The following NAV3 variants were observed in gnomAD, a reference collection of about 807,000 sequenced individuals.
NAV3 encodes the protein neuron navigator 3.
A neutral mutation model predicts 244.7 loss-of-function variants in NAV3; 87 were observed. The observed-to-expected ratio is 0.36, with a 90% confidence interval of 0.30 to 0.42. The LOEUF (loss-of-function observed/expected upper bound fraction) is 0.42. Ranked by LOEUF, NAV3 falls within the 20% of genes least tolerant of loss-of-function variation. The pLI is 1.00. For missense variants in NAV3, 2,663 were observed against 2,893.3 expected (o/e 0.92, Z 1.83); for synonymous variants, 1,126 against 1,042.2 (o/e 1.08, Z -1.55).
At chr12:77,718,129 T>C (rs1003047296) in intron 2 of NAV3, among the ~76,000 whole-genome samples, 2 of 152,174 alleles carry the variant, frequency 1.3e-5, no homozygotes, top group African/African-American at 4.8e-5. Context: ...GCTTTTTGTG[T>C]CATAATCCAT....
At chr12:77,867,567 C>T (rs1880260168) in intron 1 of NAV3, among the ~76,000 whole-genome samples, 1 of 151,910 alleles carries the variant, frequency 6.6e-6, no homozygotes, top group Non-Finnish European at 1.5e-5. Context: ...CTACAAGCGC[C>T]CGCCACCACG....
chr12:77,842,274 G>A (rs1875799752), intron 1 of NAV3, among the ~76,000 whole-genome samples: 1 of 152,080 alleles, frequency 6.6e-6, no homozygotes, highest in Non-Finnish European at 1.5e-5. Context: ...AAAGCTCACT[G>A]TGGTCTGTTT....
At chr12:77,852,070 T>C in intron 1 of NAV3, among the ~76,000 whole-genome samples, 1 of 152,236 alleles carries the variant, frequency 6.6e-6, no homozygotes, top group African/African-American at 2.4e-5. Context: ...ATAGCAGAAA[T>C]TGAACAACAG....
At chr12:78,182,125 A>C (rs2139757076) in intron 30 of NAV3, among the ~76,000 whole-genome samples, 1 of 152,226 alleles carries the variant, frequency 6.6e-6, no homozygotes. Context: ...CCAAGTAAAA[A>C]GCAAGAGATT....
At chr12:78,206,295 G>C (rs902268350) in intron 39 of NAV3, among the ~76,000 whole-genome samples, 3 of 152,006 alleles carry the variant, frequency 2.0e-5, no homozygotes, top group Non-Finnish European at 4.4e-5. Context: ...TTCATAGTTA[G>C]GAATCAACAG....
chr12:78,179,770 C>A, intron 29 of NAV3, 88 bp downstream of exon 29: 4 of 1,417,020 alleles, frequency 2.8e-6, no homozygotes, highest in Non-Finnish European at 3.8e-6. Flanking sequence ...AGAATAAATT[C>A]CACTTGGAAA....
intron 11 of NAV3, among the ~76,000 whole-genome samples, chr12:78,053,237 T>TATATATA (rs1410951036): frequency 6.7e-6 from 1 of 150,352 alleles, no homozygotes; most frequent in Non-Finnish European, 1.5e-5. Flanking sequence ...ATATATAATA[T>TATATATA]ATATATGTAT....
rs1593697062 is a variant in NAV3 at position 78,127,301 on chromosome 12, G to A, written c.4280+93G>A. The A allele has an allele frequency of 9.5e-6, 12 of 1,262,220 alleles. No homozygotes were observed. The East Asian group carries it at 2.6e-4, about 27-fold the overall frequency. The allele number at this position is 1,262,220 out of a possible 1,614,324, so 78.2% of individuals were successfully genotyped here. A position where few individuals can be genotyped will look rare whatever the true frequency, so the allele number is the denominator to read the frequency against. On this transcript the variant is annotated intron_variant, in intron 17 of 39. Coordinates refer to ENST00000397909, the MANE Select transcript of NAV3 (RefSeq NM_001024383.2). ...TCCTTCTTTGTTTGTTTGCAATGTAGCACATGACATTGAGGACGAAATCAC... is the reference window on the plus strand; with the variant it reads ...TCCTTCTTTGTTTGTTTGCAATGTAACACATGACATTGAGGACGAAATCAC...
intron 7 of NAV3, among the ~76,000 whole-genome samples, chr12:78,002,677 T>A (rs1305765670): frequency 1.3e-5 from 2 of 152,124 alleles, no homozygotes; most frequent in African/African-American, 4.8e-5. Context: ...TGTGCTTTAG[T>A]TATTATTTTA....
chr12:78,162,347 A>T (rs1440575698), intron 23 of NAV3, among the ~76,000 whole-genome samples: 1 of 152,038 alleles, frequency 6.6e-6, no homozygotes, highest in African/African-American at 2.4e-5. Context: ...TTTATATTGA[A>T]TTTGTGCTCT....
intron 1 of NAV3, among the ~76,000 whole-genome samples, chr12:77,857,401 G>T (rs867017283): frequency 7.3e-5 from 11 of 151,642 alleles, no homozygotes; most frequent in African/African-American, 2.4e-5. Context: ...TTGGTGTTTA[G>T]TGTTAACGGT....
At position 78,102,018 on chromosome 12, in the gene NAV3, G is replaced by T. The variant is rs951465019; in HGVS notation, c.2637-14754G>T. Among the ~76,000 whole-genome samples the T allele has an allele frequency of 2.6e-5, 4 of 152,102 alleles. No individual in the cohort carries two copies. The East Asian group carries it at 7.7e-4, about 29-fold the overall frequency. On this transcript the variant is annotated intron_variant, in intron 12 of 39. Coordinates refer to ENST00000397909, the MANE Select transcript of NAV3 (RefSeq NM_001024383.2). ...AATGTGATAGGATCTTTTAAAAGTGGTGCCTTGATTTTGTTAAGTGTTACC... is the reference window on the plus strand; with the variant it reads ...AATGTGATAGGATCTTTTAAAAGTGTTGCCTTGATTTTGTTAAGTGTTACC...
chr12:77,666,988 T>G (rs1306770780), intron 2 of NAV3, among the ~76,000 whole-genome samples: 1 of 152,254 alleles, frequency 6.6e-6, no homozygotes, highest in Non-Finnish European at 1.5e-5. Flanking sequence ...ATGGAGTGTG[T>G]GTATGTGTAT....
At chr12:77,940,288 A>C in intron 1 of NAV3, 31 bp from the exon 2 acceptor site, 1 of 1,492,498 alleles carries the variant, frequency 6.7e-7, no homozygotes, top group Non-Finnish European at 9.3e-7. Context: ...CCCTCACCCC[A>C]TCTCACTTTT....
At chr12:77,857,812 G>A (rs998073179) in intron 1 of NAV3, among the ~76,000 whole-genome samples, 13 of 151,868 alleles carry the variant, frequency 8.6e-5, no homozygotes, top group African/African-American at 3.1e-4. Flanking sequence ...TAAAATGGGT[G>A]AAAACTGAAC....
In NAV3 at chr12:77,951,626, T is replaced by C. The variant is rs556887757; in HGVS notation, c.414+10493T>C. On this transcript the variant is annotated intron_variant, in intron 3 of 39. Coordinates refer to ENST00000397909, the MANE Select transcript of NAV3 (RefSeq NM_001024383.2). ...TATAAAGACACATGCACACGTATGTTCATTGCGGCACTATTCACAATAGCA... is the reference window on the plus strand; with the variant it reads ...TATAAAGACACATGCACACGTATGTCCATTGCGGCACTATTCACAATAGCA... 2.5e-3 allele frequency among the ~76,000 whole-genome samples: 381 copies of C among 152,248 alleles called. 1 individual carries two copies. The highest frequency in any genetic ancestry group is 8.4e-3 in the African/African-American group (347 of 41,520).
intron 2 of NAV3, among the ~76,000 whole-genome samples, chr12:77,742,658 A>G (rs1220928245): frequency 1.3e-5 from 2 of 152,088 alleles, no homozygotes; most frequent in African/African-American, 2.4e-5. Flanking sequence ...CACAAATTGT[A>G]CATGGCACTA....
intron 2 of NAV3, among the ~76,000 whole-genome samples, chr12:77,720,749 T>C (rs1160213099): frequency 6.6e-6 from 1 of 152,122 alleles, no homozygotes; most frequent in South Asian, 2.1e-4. Context: ...CTGCCAGCTT[T>C]GATGCAGTGG....
At chr12:77,716,255 C>T (rs1288993282) in intron 2 of NAV3, among the ~76,000 whole-genome samples, 2 of 151,188 alleles carry the variant, frequency 1.3e-5, no homozygotes, top group Non-Finnish European at 3.0e-5. Context: ...AATCTAATTA[C>T]ATGTCCAGAA....
Sources: allele counts gnomAD v4.1 joint callset (sites outside exome capture counted in the v4.1 genomes callset), GRCh38; gene constraint gnomAD v4.1.1; transcripts MANE v1.5; gene names NCBI Gene and HGNC (gene_info 2026-07-23, HGNC 2026-07-21).